AMPH: variants seen among roughly 807,000 people sequenced by gnomAD.
AMPH encodes the protein amphiphysin (Stiff-Mann syndrome with breast cancer 128kD autoantigen).
Under a neutral mutation model 99.1 loss-of-function variants are expected in AMPH, and 49 were observed. That is an observed-to-expected ratio of 0.49 (90% CI 0.39 to 0.63). The LOEUF is 0.63. Ranked by LOEUF, AMPH falls within the 20% of genes least tolerant of loss-of-function variation. The probability of loss-of-function intolerance (pLI) is 0.00; values close to 1 mark genes in which losing one functional copy is unlikely to be tolerated. For synonymous variants in AMPH, 314 were observed against 317.3 expected, an observed-to-expected ratio of 0.99 and a Z score of 0.11; for missense variants, 759 against 863.4, an observed-to-expected ratio of 0.88 and a Z score of 1.52.
Position 38,406,731 on chromosome 7 carries a change from C to CCTCT in AMPH, c.1398+11090_1398+11093dup, listed in dbSNP as rs56738810. 7.2e-3 allele frequency among the ~76,000 whole-genome samples: 576 copies of CCTCT among 80,430 alleles called. 8 individuals are homozygous for CCTCT. Among genetic ancestry groups the CCTCT allele is most frequent in the African/African-American group, 0.018 (327 of 18,160 alleles). 52.8% of individuals were successfully genotyped at this position (80,430 alleles called of 152,430 possible). A position where few individuals can be genotyped will look rare whatever the true frequency, so the allele number is the denominator to read the frequency against. ...CTCCTCTCCTCTCTCTCTCCCTTTC[C>CCTCT]CTCTCTCTCTCTCTCTCTCTCTCTC... On this transcript the variant is annotated intron_variant, in intron 17 of 20. Coordinates refer to ENST00000356264, the MANE Select transcript of AMPH (RefSeq NM_001635.4).
At chr7:38,460,908 C>A (rs1352550635) in intron 11 of AMPH, among the ~76,000 whole-genome samples, 1 of 152,106 alleles carries the variant, frequency 6.6e-6, no homozygotes, top group South Asian at 2.1e-4. Flanking sequence ...GTGATAGATA[C>A]CCCAAATACC....
At chr7:38,599,725 T>C (rs1429482957) in intron 1 of AMPH, among the ~76,000 whole-genome samples, 1 of 152,046 alleles carries the variant, frequency 6.6e-6, no homozygotes, top group African/African-American at 2.4e-5. Flanking sequence ...ATTTGGTCTG[T>C]ATTTGGTCTG....
chr7:38,465,078 T>A (rs2129009830), intron 9 of AMPH, among the ~76,000 whole-genome samples: 1 of 152,344 alleles, frequency 6.6e-6, no homozygotes, highest in East Asian at 1.9e-4. Context: ...TCAGCATCAA[T>A]GATAACAATC....
At chr7:38,554,440 A>G (rs1052512200) in intron 1 of AMPH, among the ~76,000 whole-genome samples, 2 of 152,184 alleles carry the variant, frequency 1.3e-5, no homozygotes, top group African/African-American at 4.8e-5. Context: ...AAATCCCTTA[A>G]AATGTCTATA....
intron 1 of AMPH, among the ~76,000 whole-genome samples, chr7:38,608,892 G>C (rs2129064519): frequency 6.6e-6 from 1 of 152,322 alleles, no homozygotes; most frequent in South Asian, 2.1e-4. Flanking sequence ...AAGGAGATAT[G>C]AGAGTTCTAA....
intron 1 of AMPH, among the ~76,000 whole-genome samples, chr7:38,612,154 A>G (rs10249504): frequency 0.086 from 11,535 of 133,420 alleles, 765 homozygotes; most frequent in African/African-American, 0.19. Flanking sequence ...TTGGCTCACT[A>G]CAACCTCCAC....
intron 17 of AMPH, among the ~76,000 whole-genome samples, chr7:38,398,989 G>T (rs2392569): frequency 0.24 from 34,001 of 143,980 alleles, 3,989 homozygotes; most frequent in Middle Eastern, 0.34. Context: ...CCTCAGCTGT[G>T]ATTTTTGTCA....
intron 2 of AMPH, among the ~76,000 whole-genome samples, chr7:38,505,864 A>G (rs985401879): frequency 2.6e-5 from 4 of 152,264 alleles, no homozygotes; most frequent in Non-Finnish European, 5.9e-5. Flanking sequence ...AAATAGTGGA[A>G]AAAATATGGC....
chr7:38,583,692 C>G (rs1189348889), intron 1 of AMPH, among the ~76,000 whole-genome samples: 1 of 152,184 alleles, frequency 6.6e-6, no homozygotes. Flanking sequence ...GCCCCTGCCC[C>G]CAGGGAAGCT....
intron 17 of AMPH, among the ~76,000 whole-genome samples, chr7:38,407,112 GTGTA>G (rs1236572981): frequency 4.6e-5 from 4 of 87,806 alleles, no homozygotes; most frequent in African/African-American, 1.8e-4. Context: ...GTGTGTGTGT[GTGTA>G]TAAATATATA....
chr7:38,428,835 T>C, intron 14 of AMPH: 1 of 498,178 alleles, frequency 2.0e-6, no homozygotes, highest in Non-Finnish European at 3.8e-6. Context: ...TTCTAATAGG[T>C]CAGTTTTCTC....
At chr7:38,582,896 A>G (rs777808915) in intron 1 of AMPH, among the ~76,000 whole-genome samples, 4 of 152,220 alleles carry the variant, frequency 2.6e-5, no homozygotes, top group Non-Finnish European at 4.4e-5. Flanking sequence ...GAATAAGACC[A>G]TCCTTCACTC....
chr7:38,542,920 C>G (rs780365027), intron 1 of AMPH, among the ~76,000 whole-genome samples: 2 of 152,004 alleles, frequency 1.3e-5, no homozygotes, highest in East Asian at 3.9e-4. Context: ...ATGGTGAAAC[C>G]CTGTCTCTAC....
At chr7:38,494,005 G>A (rs909560769) in intron 4 of AMPH, among the ~76,000 whole-genome samples, 1 of 152,134 alleles carries the variant, frequency 6.6e-6, no homozygotes, top group African/African-American at 2.4e-5. Context: ...TGCCCAGGCT[G>A]GAGTACAGTG....
At chr7:38,451,276 T>C (rs1410536317) in intron 11 of AMPH, among the ~76,000 whole-genome samples, 1 of 139,684 alleles carries the variant, frequency 7.2e-6, no homozygotes, top group Admixed American at 7.5e-5. Flanking sequence ...TGCATATACA[T>C]GTATATATAC....
chr7:38,482,891 C>T (rs1269978574), intron 5 of AMPH, among the ~76,000 whole-genome samples: 1 of 152,088 alleles, frequency 6.6e-6, no homozygotes, highest in East Asian at 1.9e-4. Context: ...AAGCCCTGGA[C>T]TCTCCTTCCC....
At chr7:38,606,315 C>A (rs1247512138) in intron 1 of AMPH, among the ~76,000 whole-genome samples, 1 of 152,182 alleles carries the variant, frequency 6.6e-6, no homozygotes, top group Non-Finnish European at 1.5e-5. Flanking sequence ...TCACCACTGT[C>A]TAGTTCCGGA....
chr7:38,472,669 C>T (rs1248986283), intron 7 of AMPH, among the ~76,000 whole-genome samples: 1 of 152,110 alleles, frequency 6.6e-6, no homozygotes, highest in Non-Finnish European at 1.5e-5. Flanking sequence ...AAATATGCTA[C>T]ATAGAAAGGA....
chr7:38,571,281 T>TATATATGAA (rs1562835247), intron 1 of AMPH, among the ~76,000 whole-genome samples: 5,786 of 42,294 alleles, frequency 0.14, 397 homozygotes, highest in Non-Finnish European at 0.19. Context: ...ATATATATTT[T>TATATATGAA]TATATATATT....
Sources: gnomAD v4.1 joint callset for allele counts (sites outside exome capture counted in the v4.1 genomes callset) on GRCh38, gnomAD v4.1.1 for gene constraint, MANE v1.5 for transcripts, NCBI Gene and HGNC (gene_info 2026-07-23, HGNC 2026-07-21) for gene names.